The following POC1A variants were observed in gnomAD, a reference collection of about 807,000 sequenced individuals.
POC1A encodes the protein POC1 centriolar protein homolog A.
Under a neutral mutation model 47.8 loss-of-function variants are expected in POC1A, and 34 were observed. That is an observed-to-expected ratio of 0.71 (90% confidence interval 0.54 to 0.95). The LOEUF (loss-of-function observed/expected upper bound fraction) is 0.95, where lower values mean the gene tolerates loss of function less well. Among genes scored for constraint, POC1A ranks in the 40% least tolerant of loss-of-function variants. The pLI is 0.00. For synonymous variants in POC1A, 177 were observed against 207.6 expected, an observed-to-expected ratio of 0.85 and a Z score of 1.27; for missense variants, 466 against 528.3, an observed-to-expected ratio of 0.88 and a Z score of 1.16.
At chr3:52,123,291 TG>T (rs1165703123) in intron 8 of POC1A, among the ~76,000 whole-genome samples, 1 of 152,240 alleles carries the variant, frequency 6.6e-6, no homozygotes, top group African/African-American at 2.4e-5. Context: ...GGCACCTGGC[TG>T]GGGAGCAAGA....
chr3:52,150,082 T>C, intron 2 of POC1A, 95 bp from the exon 3 acceptor site: 1 of 997,574 alleles, frequency 1.0e-6, no homozygotes, highest in Non-Finnish European at 1.5e-6. Flanking sequence ...CTGGCCCAGC[T>C]CCATCTTCCC....
intron 8 of POC1A, among the ~76,000 whole-genome samples, chr3:52,124,371 C>A (rs913142544): frequency 6.6e-6 from 1 of 152,216 alleles, no homozygotes; most frequent in Non-Finnish European, 1.5e-5. Flanking sequence ...GGAGACAGGT[C>A]ATTGGTGGTT....
chr3:52,076,075 C>T, intron 10 of POC1A, 90 bp from the exon 11 acceptor site: 1 of 908,736 alleles, frequency 1.1e-6, no homozygotes, highest in Non-Finnish European at 1.8e-6. Context: ...TTGGCTGCCT[C>T]AGCCACTGCC....
At chr3:52,147,868 G>A (rs1698419894) in intron 4 of POC1A, among the ~76,000 whole-genome samples, 1 of 151,680 alleles carries the variant, frequency 6.6e-6, no homozygotes, top group Non-Finnish European at 1.5e-5. Flanking sequence ...TGAGCAAATA[G>A]CCCCTCTCCC....
intron 6 of POC1A, among the ~76,000 whole-genome samples, chr3:52,141,106 C>T (rs571349638): frequency 2.6e-4 from 39 of 152,344 alleles, no homozygotes; most frequent in African/African-American, 9.1e-4. Flanking sequence ...GATACACCAA[C>T]ATCAAACTTC....
In POC1A at chr3:52,149,775, GC is replaced by G. The variant is rs571903904; in HGVS notation, c.275+40del. The G allele has an allele frequency of 3.5e-4, 560 of 1,582,286 alleles. 2 individuals carry two copies. Among genetic ancestry groups the G allele is most frequent in the African/African-American group, 2.8e-3 (205 of 74,484 alleles). ...GGGTGGGGATGGCTCTGGCACCAGG[GC>G]CCCAGACTCCAACAAGCCTCCTCAA... On this transcript the variant is annotated intron_variant, in intron 3 of 10. Transcript: ENST00000296484.
intron 6 of POC1A, among the ~76,000 whole-genome samples, chr3:52,141,458 C>A (rs6784653): frequency 0.013 from 1,976 of 152,348 alleles, 35 homozygotes; most frequent in African/African-American, 0.042. Context: ...ACTAGTGACA[C>A]GGTGGCTCTG....
intron 9 of POC1A, among the ~76,000 whole-genome samples, chr3:52,106,589 G>C (rs535585087): frequency 6.6e-6 from 1 of 152,218 alleles, no homozygotes; most frequent in Non-Finnish European, 1.5e-5. Flanking sequence ...CTGCATGCCT[G>C]ACCAACCCCT....
intron 7 of POC1A, among the ~76,000 whole-genome samples, chr3:52,134,140 G>A (rs750053918): frequency 1.3e-5 from 2 of 152,152 alleles, no homozygotes; most frequent in Admixed American, 6.5e-5. Flanking sequence ...AGTGACATCC[G>A]TGGGAGTTAC....
intron 10 of POC1A, among the ~76,000 whole-genome samples, chr3:52,078,126 C>G (rs1248507199): frequency 6.6e-6 from 1 of 152,124 alleles, no homozygotes; most frequent in Non-Finnish European, 1.5e-5. Context: ...GCAGTTTCTC[C>G]CCCTCCAGCC....
chr3:52,132,206 T>G (rs930135628), intron 7 of POC1A, among the ~76,000 whole-genome samples: 6 of 152,206 alleles, frequency 3.9e-5, no homozygotes, highest in African/African-American at 7.2e-5. Flanking sequence ...TCTTGCCCAA[T>G]GTCACATAAA....
At chr3:52,140,721 C>A (rs1326796766) in intron 6 of POC1A, among the ~76,000 whole-genome samples, 1 of 152,218 alleles carries the variant, frequency 6.6e-6, no homozygotes. Flanking sequence ...ACACCAGGAC[C>A]CACCCCACCT....
intron 10 of POC1A, among the ~76,000 whole-genome samples, chr3:52,078,158 ATC>A (rs1307659393): frequency 6.6e-6 from 1 of 152,022 alleles, no homozygotes; most frequent in East Asian, 1.9e-4. Flanking sequence ...GAGCTGTGTC[ATC>A]TCTGTGTTTG....
At chr3:52,077,310 G>A (rs1214391059) in intron 10 of POC1A, among the ~76,000 whole-genome samples, 1 of 152,248 alleles carries the variant, frequency 6.6e-6, no homozygotes, top group Non-Finnish European at 1.5e-5. Context: ...CCAGTGGAAA[G>A]GAAACTTTCT....
At chr3:52,104,899 C>T (rs1478580538) in intron 9 of POC1A, among the ~76,000 whole-genome samples, 1 of 152,204 alleles carries the variant, frequency 6.6e-6, no homozygotes, top group African/African-American at 2.4e-5. Flanking sequence ...CTGCACACAC[C>T]TGGTCAGCAG....
At chr3:52,099,327 A>G (rs1343461750) in intron 9 of POC1A, among the ~76,000 whole-genome samples, 1 of 152,220 alleles carries the variant, frequency 6.6e-6, no homozygotes, top group Non-Finnish European at 1.5e-5. Context: ...AGCACTCTGG[A>G]GCTGTGGCAT....
At chr3:52,123,841 C>A (rs1421547854) in intron 8 of POC1A, among the ~76,000 whole-genome samples, 1 of 152,210 alleles carries the variant, frequency 6.6e-6, no homozygotes, top group African/African-American at 2.4e-5. Context: ...TTTGATTCTA[C>A]CATGACTCTA....
At chr3:52,118,613 T>C (rs1445753314) in intron 9 of POC1A, among the ~76,000 whole-genome samples, 5 of 151,988 alleles carry the variant, frequency 3.3e-5, no homozygotes, top group Non-Finnish European at 7.4e-5. Context: ...GGTCTGCTAG[T>C]GGGTAAGTAA....
intron 10 of POC1A, among the ~76,000 whole-genome samples, chr3:52,093,164 C>A (rs1702701034): frequency 1.3e-5 from 2 of 152,224 alleles, no homozygotes; most frequent in Non-Finnish European, 2.9e-5. Context: ...GGACCCATGG[C>A]CTTGACCCGG....
Sources: gnomAD v4.1 joint callset for allele counts (sites outside exome capture counted in the v4.1 genomes callset) on GRCh38, gnomAD v4.1.1 for gene constraint, MANE v1.5 for transcripts, NCBI Gene and HGNC (gene_info 2026-07-23, HGNC 2026-07-21) for gene names.